THOC1: variants seen among roughly 807,000 people sequenced by gnomAD.
THOC1 encodes the protein THO complex 1.
THOC1 carries 29 observed loss-of-function variants against 97.3 expected under a neutral mutation model. That is an observed-to-expected ratio of 0.30 (90% CI 0.22 to 0.41). THOC1 has a LOEUF of 0.41. Among genes scored for constraint, THOC1 ranks in the 10% least tolerant of loss-of-function variants. THOC1 has a pLI of 1.00. For synonymous variants in THOC1, 255 were observed against 257.0 expected, an observed-to-expected ratio of 0.99 and a Z score of 0.07; for missense variants, 529 against 761.9, an observed-to-expected ratio of 0.69 and a Z score of 3.60.
chr18:247,792 G>T, intron 10 of THOC1, 57 bp downstream of exon 10: 3 of 1,010,864 alleles, frequency 3.0e-6, no homozygotes, highest in Non-Finnish European at 4.6e-6. Context: ...TTAAGTTTTA[G>T]CTCTATCACT....
intron 5 of THOC1, 200 bp from the exon 6 acceptor site, chr18:259,930 G>A (rs1180914233): frequency 3.8e-6 from 2 of 530,292 alleles, no homozygotes; most frequent in Non-Finnish European, 6.6e-6. Context: ...CTAAGTAACT[G>A]TTTTAAACAT....
At chr18:248,864 C>G (rs937140666) in intron 9 of THOC1, among the ~76,000 whole-genome samples, 5 of 152,182 alleles carry the variant, frequency 3.3e-5, no homozygotes, top group Middle Eastern at 3.4e-3. Flanking sequence ...GATTCTCCTG[C>G]CTCAGCCTCC....
chr18:224,009 G>A, intron 16 of THOC1, 75 bp downstream of exon 16: 5 of 1,062,070 alleles, frequency 4.7e-6, no homozygotes, highest in Non-Finnish European at 7.1e-6. Flanking sequence ...TATTTTGGAT[G>A]GAGAGTTCTT....
intron 12 of THOC1, chr18:225,705 C>A: frequency 3.6e-6 from 1 of 280,296 alleles, no homozygotes. Context: ...GAAACGAAAA[C>A]TTCTGATTTG....
At chr18:267,019 GTATA>G (rs10531243) in intron 1 of THOC1, among the ~76,000 whole-genome samples, 102 of 148,292 alleles carry the variant, frequency 6.9e-4, no homozygotes, top group African/African-American at 1.5e-3. Context: ...GTATATATAT[GTATA>G]TATATATATA....
At chr18:253,416 T>G (rs537296711) in intron 8 of THOC1, among the ~76,000 whole-genome samples, 4 of 152,296 alleles carry the variant, frequency 2.6e-5, no homozygotes, top group Admixed American at 2.6e-4. Context: ...ATATATCCAC[T>G]CTGAGATTTA....
At chr18:218,015 G>A (rs577403730) in intron 18 of THOC1, among the ~76,000 whole-genome samples, 109 of 152,276 alleles carry the variant, frequency 7.2e-4, no homozygotes, top group Non-Finnish European at 1.2e-3. Context: ...TTATTTTAAA[G>A]ATCACTGGCT....
chr18:265,610 G>C, intron 1 of THOC1, 80 bp from the exon 2 acceptor site: 3 of 1,133,148 alleles, frequency 2.6e-6, no homozygotes, highest in Non-Finnish European at 2.5e-6. Context: ...CATTGATAGT[G>C]TATCTTACTA....
At chr18:235,380 T>G (rs900042143) in intron 11 of THOC1, among the ~76,000 whole-genome samples, 1 of 152,178 alleles carries the variant, frequency 6.6e-6, no homozygotes, top group African/African-American at 2.4e-5. Flanking sequence ...TCCATTTTCT[T>G]GAGCTTTATT....
In THOC1 at chr18:268,026, G is replaced by C. The variant is rs756146337; in HGVS notation, c.-7C>G. 1.5e-5 allele frequency: 24 copies of C among 1,579,678 alleles called. No homozygotes were observed. The Middle Eastern group carries it at 5.0e-4, about 33-fold the overall frequency. ...GCGGCGGCGTCGGAGACATCTTCTC[G>C]GCTGCGCGTGCCCGCCACTGCGCTG... On this transcript the variant is annotated 5_prime_UTR_variant, in exon 1 of 21. Coordinates refer to ENST00000261600, the MANE Select transcript of THOC1 (RefSeq NM_005131.3).
At chr18:228,687 T>C (rs1372285005) in intron 11 of THOC1, among the ~76,000 whole-genome samples, 1 of 152,220 alleles carries the variant, frequency 6.6e-6, no homozygotes, top group Non-Finnish European at 1.5e-5. Context: ...TCTTCTGTCA[T>C]GTCTAGTGAG....
chr18:217,153 T>C (rs1910920647), intron 18 of THOC1, among the ~76,000 whole-genome samples: 1 of 152,238 alleles, frequency 6.6e-6, no homozygotes. Flanking sequence ...GAGTTTTGGA[T>C]TGGAAGTCTC....
intron 9 of THOC1, among the ~76,000 whole-genome samples, chr18:248,328 C>T (rs1442889755): frequency 6.6e-6 from 1 of 152,170 alleles, no homozygotes; most frequent in Non-Finnish European, 1.5e-5. Context: ...TGGCCTTTTC[C>T]TCTTCCTGCT....
chr18:248,452 C>T (rs948327793), intron 9 of THOC1, among the ~76,000 whole-genome samples: 1 of 152,202 alleles, frequency 6.6e-6, no homozygotes. Flanking sequence ...TCTCACCGAG[C>T]AGTGCTCCCT....
At chr18:218,695 T>C (rs481077) in intron 18 of THOC1, among the ~76,000 whole-genome samples, 191 bp downstream of exon 18, 102,048 of 151,810 alleles carry the variant, frequency 0.67, 34,425 homozygotes, top group South Asian at 0.78. Context: ...TTCCAAGTCA[T>C]GCTTAGTTAA....
chr18:240,533 T>TAC (rs1911862114), intron 11 of THOC1, among the ~76,000 whole-genome samples: 1 of 152,234 alleles, frequency 6.6e-6, no homozygotes, highest in Non-Finnish European at 1.5e-5. Context: ...AAGTCAATTT[T>TAC]ACAATCATAT....
chr18:237,795 C>T (rs905942504), intron 11 of THOC1, among the ~76,000 whole-genome samples: 3 of 152,058 alleles, frequency 2.0e-5, no homozygotes, highest in African/African-American at 7.2e-5. Context: ...AAATAGAAAA[C>T]ATTTGGTTTC....
chr18:244,952 T>C (rs915102288), intron 11 of THOC1: 2 of 152,186 alleles, frequency 1.3e-5, no homozygotes, highest in African/African-American at 4.8e-5. Flanking sequence ...GTCCAGTGTA[T>C]AGTTTAATTC....
chr18:218,775 A>T (rs1359990267), intron 18 of THOC1, 111 bp downstream of exon 18: 11 of 792,620 alleles, frequency 1.4e-5, no homozygotes, highest in Non-Finnish European at 2.2e-5. Flanking sequence ...TAAGAGAAAA[A>T]GCACTATTCT....
Sources: gnomAD v4.1 joint callset for allele counts (sites outside exome capture counted in the v4.1 genomes callset) on GRCh38, gnomAD v4.1.1 for gene constraint, MANE v1.5 for transcripts, NCBI Gene and HGNC (gene_info 2026-07-23, HGNC 2026-07-21) for gene names.